The following RNLS variants were observed in gnomAD, a reference collection of about 807,000 sequenced individuals.
RNLS encodes renalase.
A neutral mutation model predicts 39.8 loss-of-function variants in RNLS; 39 were observed. The observed-to-expected ratio is 0.98, with a 90% CI of 0.76 to 1.28. The LOEUF is 1.28. Ranked by LOEUF, RNLS falls within the 50% of genes most tolerant of loss-of-function variation. The pLI is 0.00. For synonymous variants in RNLS, 147 were observed against 150.7 expected, an observed-to-expected ratio of 0.98 and a Z score of 0.18; for missense variants, 410 against 413.3, an observed-to-expected ratio of 0.99 and a Z score of 0.07.
chr10:88,362,946 T>C (rs1364947029), intron 4 of RNLS, among the ~76,000 whole-genome samples: 2 of 152,200 alleles, frequency 1.3e-5, no homozygotes, highest in Non-Finnish European at 2.9e-5. Flanking sequence ...AAGGTCCACA[T>C]TCTTTGGAAT....
intron 1 of RNLS, 40 bp from the exon 2 acceptor site, chr10:88,582,347 A>G: frequency 6.5e-7 from 1 of 1,528,288 alleles, no homozygotes; most frequent in Non-Finnish European, 9.0e-7. Flanking sequence ...CTGCATGACA[A>G]TGAGCCTTAG....
At chr10:88,282,225 G>C (rs1043660154), downstream of RNLS, among the ~76,000 whole-genome samples, 4 of 152,084 alleles carry the variant, frequency 2.6e-5, no homozygotes, top group Non-Finnish European at 5.9e-5. Flanking sequence ...ACATCAATAA[G>C]AAGACCACAT....
chr10:88,484,536 A>C (rs369950119), intron 4 of RNLS, among the ~76,000 whole-genome samples: 2 of 152,006 alleles, frequency 1.3e-5, no homozygotes, highest in South Asian at 4.1e-4. Flanking sequence ...AAGGGGAAAA[A>C]GAACTTATGA....
chr10:88,202,978 C>T, the RNLS span, among the ~76,000 whole-genome samples: 7 of 151,992 alleles, frequency 4.6e-5, no homozygotes, highest in Non-Finnish European at 1.0e-4. Flanking sequence ...GGTGGAGAGA[C>T]CTTTCAAGAG....
At chr10:88,266,694 T>TACACACACACACAC in the RNLS span, among the ~76,000 whole-genome samples, 1 of 134,120 alleles carries the variant, frequency 7.5e-6, no homozygotes, top group African/African-American at 2.8e-5. Context: ...TTCTTTTAAA[T>TACACACACACACAC]ACACACACAC....
At chr10:88,275,166 T>C (rs1842766498) in intron 6 of RNLS, 3 of 602,552 alleles carry the variant, frequency 5.0e-6, no homozygotes, top group Admixed American at 2.9e-5. Context: ...GTTCTGGCTC[T>C]ATAGGTGGTC....
chr10:88,313,243 C>T (rs1845518716), intron 6 of RNLS, among the ~76,000 whole-genome samples: 1 of 152,100 alleles, frequency 6.6e-6, no homozygotes, highest in Non-Finnish European at 1.5e-5. Context: ...ACGAGAAAGG[C>T]ACAAGAGGAA....
At chr10:88,232,035 G>A in the RNLS span, among the ~76,000 whole-genome samples, 1 of 152,014 alleles carries the variant, frequency 6.6e-6, no homozygotes, top group Non-Finnish European at 1.5e-5. Flanking sequence ...TTGTGGTTGT[G>A]AGATGTCTGT....
intron 4 of RNLS, among the ~76,000 whole-genome samples, chr10:88,390,247 C>T (rs925739818): frequency 3.3e-5 from 5 of 152,162 alleles, no homozygotes; most frequent in South Asian, 4.1e-4. Context: ...GTCTCTGGGA[C>T]GCTATCTGGG....
At chr10:88,360,412 A>T (rs1294554237) in intron 5 of RNLS, among the ~76,000 whole-genome samples, 1 of 152,012 alleles carries the variant, frequency 6.6e-6, no homozygotes, top group Non-Finnish European at 1.5e-5. Flanking sequence ...TTCTGTAAAG[A>T]TTTCCTTGAT....
At chr10:88,493,676 TAGG>T (rs999433452) in intron 4 of RNLS, among the ~76,000 whole-genome samples, 1 of 152,178 alleles carries the variant, frequency 6.6e-6, no homozygotes, top group African/African-American at 2.4e-5. Context: ...TTTTAAATTG[TAGG>T]AGAATACAGT....
At chr10:88,457,440 A>G (rs1242078876) in intron 4 of RNLS, among the ~76,000 whole-genome samples, 2 of 152,206 alleles carry the variant, frequency 1.3e-5, no homozygotes, top group Admixed American at 6.5e-5. Flanking sequence ...AGATGATGCA[A>G]ATCATTAAAG....
At chr10:88,476,954 G>T (rs941031181) in intron 4 of RNLS, among the ~76,000 whole-genome samples, 1 of 146,862 alleles carries the variant, frequency 6.8e-6, no homozygotes, top group African/African-American at 2.5e-5. Context: ...AGATAAGCTT[G>T]TAAATGCTTT....
chr10:88,241,860 T>C, the RNLS span, among the ~76,000 whole-genome samples: 1 of 152,230 alleles, frequency 6.6e-6, no homozygotes, highest in South Asian at 2.1e-4. Context: ...TTCTGTTTTC[T>C]ATTTGGTCAA....
At chr10:88,574,006 T>C (rs1187165692) in intron 3 of RNLS, among the ~76,000 whole-genome samples, 1 of 151,882 alleles carries the variant, frequency 6.6e-6, no homozygotes, top group African/African-American at 2.4e-5. Flanking sequence ...CTGGGTATGG[T>C]AGTGCATGCC....
At chr10:88,357,999 A>G (rs1482450583) in intron 5 of RNLS, among the ~76,000 whole-genome samples, 1 of 152,200 alleles carries the variant, frequency 6.6e-6, no homozygotes, top group Non-Finnish European at 1.5e-5. Context: ...GTTTTTGGGT[A>G]TGTTTACTAA....
At chr10:88,495,305 G>T (rs1321155748) in intron 4 of RNLS, among the ~76,000 whole-genome samples, 1 of 152,122 alleles carries the variant, frequency 6.6e-6, no homozygotes, top group Non-Finnish European at 1.5e-5. Flanking sequence ...GATATGACTT[G>T]AGAAAAATAG....
chr10:88,226,011 G>T, the RNLS span, among the ~76,000 whole-genome samples: 23 of 152,000 alleles, frequency 1.5e-4, no homozygotes, highest in Non-Finnish European at 3.1e-4. Context: ...AGCTTGCAAT[G>T]AAAGAGACAG....
At chr10:88,339,575 G>C (rs1412164053) in intron 5 of RNLS, among the ~76,000 whole-genome samples, 3 of 152,152 alleles carry the variant, frequency 2.0e-5, no homozygotes, top group Admixed American at 2.0e-4. Context: ...TAGGGTTGTT[G>C]TGATGATAAA....
Sources: gnomAD v4.1 joint callset for allele counts (sites outside exome capture counted in the v4.1 genomes callset) on GRCh38, gnomAD v4.1.1 for gene constraint, MANE v1.5 for transcripts, NCBI Gene and HGNC (gene_info 2026-07-23, HGNC 2026-07-21) for gene names.